GPM6A: variants seen among roughly 807,000 people sequenced by gnomAD.
The protein encoded by GPM6A is neuronal membrane glycoprotein M6-a.
In GPM6A, 7 loss-of-function variants were observed where a neutral mutation model predicts 32.1. That is an observed-to-expected ratio of 0.22 (90% confidence interval 0.12 to 0.41). GPM6A has a LOEUF of 0.41. Ranked by LOEUF, GPM6A falls within the 10% of genes least tolerant of loss-of-function variation. The probability of loss-of-function intolerance (pLI) is 1.00; values close to 1 mark genes in which losing one functional copy is unlikely to be tolerated. For synonymous variants in GPM6A, 130 were observed against 123.4 expected (o/e 1.05, Z -0.35); for missense variants, 235 against 347.2 (o/e 0.68, Z 2.57).
At chr4:175,640,067 C>T in intron 6 of GPM6A, 62 bp downstream of exon 6, 1 of 1,263,042 alleles carries the variant, frequency 7.9e-7, no homozygotes. Flanking sequence ...TTTATCATCT[C>T]TACAAGCAAA....
chr4:175,890,487 A>AATTTTATTTTATTTTATTTT (rs56214315), intron 1 of GPM6A, among the ~76,000 whole-genome samples: 2 of 127,662 alleles, frequency 1.6e-5, no homozygotes, highest in African/African-American at 5.2e-5. Flanking sequence ...TGTTTAGAGC[A>AATTTTATTTTATTTTATTTT]ATTTTATTTT....
At chr4:175,874,703 G>C (rs779070943) in intron 1 of GPM6A, among the ~76,000 whole-genome samples, 2 of 152,090 alleles carry the variant, frequency 1.3e-5, no homozygotes, top group Non-Finnish European at 2.9e-5. Context: ...AGACGAGAAA[G>C]GAAGTGTATG....
chr4:175,701,433 T>A, intron 2 of GPM6A, 142 bp downstream of exon 2: 1 of 648,632 alleles, frequency 1.5e-6, no homozygotes, highest in Non-Finnish European at 2.7e-6. Context: ...TGAATCATGA[T>A]TACCCTTTTG....
chr4:175,650,152 TC>T (rs1160521595), intron 4 of GPM6A, among the ~76,000 whole-genome samples: 4 of 152,154 alleles, frequency 2.6e-5, no homozygotes, highest in Admixed American at 2.6e-4. Context: ...AGCATATTAT[TC>T]TGCTTTTCCC....
intron 1 of GPM6A, chr4:175,947,522 GTCT>G (rs1739649119): frequency 6.6e-6 from 1 of 151,874 alleles, no homozygotes; most frequent in Admixed American, 6.6e-5. Flanking sequence ...AAATAATGAT[GTCT>G]TCAAGATAAA....
In GPM6A at chr4:175,826,201, G is replaced by A. The variant is rs183407628; in HGVS notation, c.-22-13952C>T. Among the ~76,000 whole-genome samples the A allele has an allele frequency of 2.0e-3, 298 of 151,864 alleles. 1 individual carries two copies. The highest frequency in any genetic ancestry group is 2.9e-3 in the Non-Finnish European group (195 of 67,950). On this transcript the variant is annotated intron_variant, in intron 1 of 7. Coordinates refer to the GPM6A transcript ENST00000280187. ...CAAAAAAACTGTCTCTTATCATTCA[G>A]TCTCAAAAACCATTGGCCACTGATC...
rs78915815 is a variant in GPM6A, at chr4:175,971,131, T to C, written c.-23+31178A>G. ...TTCAAACATTTTTTATTAACTCTAT[T>C]TTAAAATACAGAACATATTTAGATT... is the stretch of plus-strand genomic sequence containing the variant. On this transcript the variant is annotated intron_variant, in intron 1 of 7. Transcript: ENST00000280187. 5.2e-3 allele frequency among the ~76,000 whole-genome samples: 794 copies of C among 152,320 alleles called. 1 individual carries two copies. Among genetic ancestry groups the C allele is most frequent in the African/African-American group, 0.018 (737 of 41,570 alleles).
At chr4:175,828,239 C>T (rs1390505168) in intron 1 of GPM6A, among the ~76,000 whole-genome samples, 1 of 152,094 alleles carries the variant, frequency 6.6e-6, no homozygotes, top group African/African-American at 2.4e-5. Context: ...TGTCTTGTAA[C>T]AGTTATTAGT....
intron 1 of GPM6A, among the ~76,000 whole-genome samples, chr4:175,933,001 A>T (rs1454049767): frequency 6.6e-6 from 1 of 152,110 alleles, no homozygotes; most frequent in Non-Finnish European, 1.5e-5. Context: ...ACAAATAAAA[A>T]TGTAAATTGT....
At chr4:175,764,846 C>CATTATTATTATTATT (rs56700410) in intron 1 of GPM6A, among the ~76,000 whole-genome samples, 2 of 140,532 alleles carry the variant, frequency 1.4e-5, no homozygotes, top group Admixed American at 7.2e-5. Flanking sequence ...AACCCAAAGG[C>CATTATTATTATTATT]ATTATTATTA....
intron 1 of GPM6A, among the ~76,000 whole-genome samples, chr4:175,920,739 C>T (rs1031807109): frequency 6.6e-5 from 10 of 151,952 alleles, no homozygotes; most frequent in African/African-American, 1.7e-4. Flanking sequence ...ATCCTAGCTA[C>T]TCAGGCGGCT....
At chr4:175,983,492 G>T (rs1166720900) in intron 1 of GPM6A, among the ~76,000 whole-genome samples, 2 of 152,124 alleles carry the variant, frequency 1.3e-5, no homozygotes, top group Non-Finnish European at 2.9e-5. Flanking sequence ...ATCGTGAATG[G>T]ATGCTAAAAC....
intron 2 of GPM6A, among the ~76,000 whole-genome samples, chr4:175,686,601 C>G (rs983359205): frequency 6.6e-6 from 1 of 152,194 alleles, no homozygotes; most frequent in Non-Finnish European, 1.5e-5. Context: ...GAGTCAGGAA[C>G]AAGCAAGGAG....
intron 3 of GPM6A, among the ~76,000 whole-genome samples, chr4:175,652,499 C>G (rs1579344329): frequency 6.6e-6 from 1 of 152,008 alleles, no homozygotes; most frequent in South Asian, 2.1e-4. Flanking sequence ...AGTGTGTACT[C>G]TTCTAACATT....
chr4:175,707,884 AT>A (rs567773633), intron 1 of GPM6A, among the ~76,000 whole-genome samples: 234 of 152,018 alleles, frequency 1.5e-3, no homozygotes, highest in African/African-American at 5.1e-3. Flanking sequence ...TGGTAAAATA[AT>A]TTTTTTTCTT....
chr4:175,738,712 A>T (rs1560906078), intron 1 of GPM6A, among the ~76,000 whole-genome samples: 1 of 152,230 alleles, frequency 6.6e-6, no homozygotes, highest in Non-Finnish European at 1.5e-5. Flanking sequence ...AGGCAAAGAT[A>T]ATTTTTAAAA....
intron 1 of GPM6A, among the ~76,000 whole-genome samples, chr4:175,776,624 G>T (rs1228805639): frequency 6.6e-6 from 1 of 152,114 alleles, no homozygotes; most frequent in Non-Finnish European, 1.5e-5. Flanking sequence ...TCATGAACAG[G>T]CAAAGTAAGA....
intron 1 of GPM6A, among the ~76,000 whole-genome samples, chr4:175,709,289 TTCTC>T (rs1049023216): frequency 7.3e-5 from 11 of 150,762 alleles, no homozygotes; most frequent in Admixed American, 4.6e-4. Context: ...TCTGCCCCCT[TTCTC>T]TCTCTGTCTC....
At position 175,940,545 on chromosome 4, in the gene GPM6A, C is replaced by T. The variant is rs531065721; in HGVS notation, c.-23+61764G>A. ...TATTTCATTTATAACAGCTGCTCTGCTATGAAATTATAGTAAAAGTGAATA... is the reference window on the plus strand; with the variant it reads ...TATTTCATTTATAACAGCTGCTCTGTTATGAAATTATAGTAAAAGTGAATA... On this transcript the variant is annotated intron_variant, in intron 1 of 7. Coordinates refer to the GPM6A transcript ENST00000280187. Among the ~76,000 whole-genome samples, 4 of 152,146 alleles carry T rather than the reference C, an allele frequency of 2.6e-5. No homozygotes were observed. The South Asian group carries it at 6.2e-4, about 24-fold the overall frequency.
Sources: gnomAD v4.1 joint callset for allele counts (sites outside exome capture counted in the v4.1 genomes callset) on GRCh38, gnomAD v4.1.1 for gene constraint, MANE v1.5 for transcripts, NCBI Gene and HGNC (gene_info 2026-07-23, HGNC 2026-07-21) for gene names.